The following SIK2 variants were observed in gnomAD, a reference collection of about 807,000 sequenced individuals.
The protein encoded by SIK2 is salt inducible kinase 2.
In SIK2, 29 loss-of-function variants were observed where a neutral mutation model predicts 103.2. The ratio of observed to expected loss-of-function variants is 0.28; its 90% confidence interval spans 0.21 to 0.38. SIK2 has a LOEUF of 0.38. Among genes scored for constraint, SIK2 ranks in the 10% least tolerant of loss-of-function variants. SIK2 has a pLI of 1.00. For synonymous variants in SIK2, 412 were observed against 446.1 expected, an observed-to-expected ratio of 0.92 and a Z score of 0.96; for missense variants, 879 against 1,171.0, an observed-to-expected ratio of 0.75 and a Z score of 3.64.
chr11:111,656,996 A>G (rs1204636796), intron 3 of SIK2, among the ~76,000 whole-genome samples: 1 of 152,214 alleles, frequency 6.6e-6, no homozygotes, highest in Non-Finnish European at 1.5e-5. Context: ...GCAAATACTT[A>G]TTGAGCATCT....
chr11:111,637,476 T>C (rs887296729), intron 3 of SIK2, among the ~76,000 whole-genome samples: 10 of 149,676 alleles, frequency 6.7e-5, no homozygotes, highest in Non-Finnish European at 1.5e-4. Flanking sequence ...TTTTTTTTTT[T>C]TGAGAAGGAG....
chr11:111,724,098 C>T lies in SIK2; in HGVS notation c.2750C>T (p.Pro917Leu). 1 of 1,612,606 alleles carries T rather than the reference C, an allele frequency of 6.2e-7. No homozygotes were observed. The highest frequency in any genetic ancestry group is 8.5e-7 in the Non-Finnish European group (1 of 1,179,978). Residue 917 changes from proline to leucine, a missense_variant, in exon 15 of 15, where the codon CCA (proline) becomes CTA (leucine). This residue lies in a region of SIK2 where 375 missense variants were observed against 416.3 expected (regional missense o/e 0.90). Transcript: ENST00000304987. ...TGTGAAATGCTAGACGCTGTGGATC[C>T]ACAACACAACGGGTATGTCCTGGTG... is the stretch of plus-strand genomic sequence containing the variant. ...FDCEMLDAVD[P>L]QHNGYVLVN
At chr11:111,715,793 CTTTTTTTTTTT>C (rs535843069) in intron 9 of SIK2, among the ~76,000 whole-genome samples, 1 of 81,580 alleles carries the variant, frequency 1.2e-5, no homozygotes, top group Non-Finnish European at 2.2e-5. Flanking sequence ...TCATTTTTAG[CTTTTTTTTTTT>C]TTTTTTTTTT....
intron 3 of SIK2, among the ~76,000 whole-genome samples, chr11:111,621,916 TA>T (rs1226124391): frequency 6.0e-4 from 87 of 145,474 alleles, no homozygotes; most frequent in South Asian, 6.6e-4. Flanking sequence ...TCATCTCAAT[TA>T]AAAAAAAAAA....
Position 111,703,267 on chromosome 11 carries a change from A to G in SIK2, c.792A>G (p.Gln264=). The change falls in exon 7 of 15, where the codon CAA becomes CAG. Residue 264 remains glutamine, a synonymous_variant. Transcript: ENST00000304987. ...CATCCAAACGGCTAACCATAGCCCA[A>G]ATCAAGGAGCATAAATGGATGCTCA... ...LDPSKRLTIA[Q]IKEHKWMLIE... is the part of the protein sequence containing the mutation. 6.2e-7 allele frequency: 1 copy of G among 1,614,212 alleles called. No individual in the cohort carries two copies. The highest frequency in any genetic ancestry group is 8.5e-7 in the Non-Finnish European group (1 of 1,180,030).
At chr11:111,656,245 T>C (rs542969120) in intron 3 of SIK2, among the ~76,000 whole-genome samples, 1 of 152,248 alleles carries the variant, frequency 6.6e-6, no homozygotes, top group South Asian at 2.1e-4. Context: ...AATTACTGTT[T>C]TGAATTATCA....
chr11:111,612,944 A>ATATATATATATATATATATATATATATT (rs1184940281), intron 1 of SIK2, among the ~76,000 whole-genome samples: 1 of 147,694 alleles, frequency 6.8e-6, no homozygotes, highest in Non-Finnish European at 1.5e-5. Context: ...ATATATATAT[A>ATATATATATATATATATATATATATATT]TATTTATGAT....
chr11:111,609,509 A>G lies in SIK2; in HGVS notation c.136-6734A>G, dbSNP rs960866464. Among the ~76,000 whole-genome samples, 4 of 152,192 alleles carry G rather than the reference A, an allele frequency of 2.6e-5. No individual in the cohort carries two copies. The East Asian group carries it at 7.7e-4, about 29-fold the overall frequency. On this transcript the variant is annotated intron_variant, in intron 1 of 14. Coordinates refer to ENST00000304987, the MANE Select transcript of SIK2 (RefSeq NM_015191.3). The stretch of plus-strand genomic sequence containing the variant: ...GCTAATTTTTAAATTTTTTGTAAAG[A>G]CAAGGTTTTGCCATGTTGCCCAAGC...
At chr11:111,607,448 G>A (rs1941663200) in intron 1 of SIK2, among the ~76,000 whole-genome samples, 1 of 152,126 alleles carries the variant, frequency 6.6e-6, no homozygotes, top group Admixed American at 6.5e-5. Flanking sequence ...GATGTTTCTT[G>A]AAGAGAACTC....
At chr11:111,638,004 A>G (rs925917752) in intron 3 of SIK2, among the ~76,000 whole-genome samples, 2 of 152,220 alleles carry the variant, frequency 1.3e-5, no homozygotes, top group Admixed American at 1.3e-4. Context: ...CCAAGAAGCT[A>G]ATTGGAAACT....
chr11:111,684,131 A>G (rs1414224900), intron 3 of SIK2, among the ~76,000 whole-genome samples: 1 of 152,216 alleles, frequency 6.6e-6, no homozygotes, highest in East Asian at 1.9e-4. Flanking sequence ...TTCTGTCTTT[A>G]CATGGTAACT....
In SIK2 at chr11:111,622,013, A is replaced by G. The variant is rs544887327; in HGVS notation, c.316+1611A>G. Among the ~76,000 whole-genome samples, 65 of 152,070 alleles carry G rather than the reference A, an allele frequency of 4.3e-4. No homozygotes were observed. The Middle Eastern group carries it at 0.014, about 32-fold the overall frequency. On this transcript the variant is annotated intron_variant, in intron 3 of 14. Transcript: ENST00000304987. ...TTTACTTAAACGTATTTTATAAAAC[A>G]TAATACAGTGCTATTTTTCTTTAAA...
chr11:111,664,692 C>A (rs1377269319), intron 3 of SIK2, among the ~76,000 whole-genome samples: 3 of 124,612 alleles, frequency 2.4e-5, no homozygotes, highest in Non-Finnish European at 5.0e-5. Flanking sequence ...CCCATCACCA[C>A]CCCCCCCACA....
chr11:111,691,961 C>T (rs945273335), intron 4 of SIK2, among the ~76,000 whole-genome samples: 1 of 152,104 alleles, frequency 6.6e-6, no homozygotes, highest in Non-Finnish European at 1.5e-5. Flanking sequence ...AGGAGAAAGA[C>T]TAACTCTGTC....
chr11:111,602,544 G>A lies in SIK2; in HGVS notation c.-20G>A. Reference sequence around the variant, plus strand: ...GCCCGCCCGCGCTCCTGTCCGCCGTGTCTAGCAGCGGGGCCCAGCATGGTC... The same window carrying A: ...GCCCGCCCGCGCTCCTGTCCGCCGTATCTAGCAGCGGGGCCCAGCATGGTC... On this transcript the variant is annotated 5_prime_UTR_variant, in exon 1 of 15. Coordinates refer to ENST00000304987, the MANE Select transcript of SIK2 (RefSeq NM_015191.3). The surrounding 1 kb of genome is among the most constrained non-coding windows in gnomAD (Gnocchi z 4.5). The A allele has an allele frequency of 1.3e-6, 2 of 1,499,682 alleles. No homozygotes were observed. The highest frequency in any genetic ancestry group is 1.8e-6 in the Non-Finnish European group (2 of 1,125,090). 92.9% of individuals were successfully genotyped at this position (1,499,682 alleles called of 1,614,324 possible). A position where few individuals can be genotyped will look rare whatever the true frequency, so the allele number is the denominator to read the frequency against.
At chr11:111,706,011 T>TCAGTGTGGTGGTTAGAAG (rs1444471289) in intron 8 of SIK2, among the ~76,000 whole-genome samples, 1 of 152,196 alleles carries the variant, frequency 6.6e-6, no homozygotes, top group Non-Finnish European at 1.5e-5. Flanking sequence ...GAGAGGCAGC[T>TCAGTGTGGTGGTTAGAAG]CAGTGTGGTG....
chr11:111,679,839 T>C (rs1942754185), intron 3 of SIK2, among the ~76,000 whole-genome samples: 1 of 152,078 alleles, frequency 6.6e-6, no homozygotes, highest in Non-Finnish European at 1.5e-5. Context: ...AAAGGGTTTT[T>C]TTTGGCTGGG....
At chr11:111,604,337 A>G (rs1941621119) in intron 1 of SIK2, among the ~76,000 whole-genome samples, 1 of 152,256 alleles carries the variant, frequency 6.6e-6, no homozygotes, top group South Asian at 2.1e-4. Flanking sequence ...TGTGAGTTAT[A>G]GAGAGGTTCT....
chr11:111,648,581 A>G (rs1255413272), intron 3 of SIK2, among the ~76,000 whole-genome samples: 2 of 152,054 alleles, frequency 1.3e-5, no homozygotes, highest in Non-Finnish European at 2.9e-5. Flanking sequence ...AGACCATAGC[A>G]TATAATATGG....
Sources: allele counts gnomAD v4.1 joint callset (sites outside exome capture counted in the v4.1 genomes callset), GRCh38; gene constraint gnomAD v4.1.1; regional missense constraint gnomAD v4.1.1; non-coding constraint Gnocchi (gnomAD v3.1); transcripts MANE v1.5; gene names NCBI Gene and HGNC (gene_info 2026-07-23, HGNC 2026-07-21).